The following GFRA1 variants were observed in gnomAD, a reference collection of about 807,000 sequenced individuals.
GFRA1 encodes the protein GDNF family receptor alpha-1.
A neutral mutation model predicts 51.6 loss-of-function variants in GFRA1; 16 were observed. That is an observed-to-expected ratio of 0.31 (90% CI 0.21 to 0.47). The LOEUF is 0.47. GFRA1 is among the 20% of genes least tolerant of loss of function. The probability of loss-of-function intolerance (pLI) is 1.00; values close to 1 mark genes in which losing one functional copy is unlikely to be tolerated. For synonymous variants in GFRA1, 270 were observed against 241.3 expected (o/e 1.12, Z -1.10); for missense variants, 530 against 594.3 (o/e 0.89, Z 1.13).
In GFRA1 at chr10:116,125,401, C is replaced by T. The variant is rs745808198; in HGVS notation, c.590G>A (p.Arg197Gln). The change falls in exon 6 of 11, where the codon CGG becomes CAG. Residue 197 changes from arginine (R) to glutamine (Q), a missense_variant. Transcript: ENST00000355422. ...CNRRKCHKAL[R>Q]QFFDKVPAKH... ...GGCCGGGACCTTGTCAAAGAACTGCCGGAGGGCCTTGTGGCACTTGCGGCG... is the reference window on the plus strand; with the variant it reads ...GGCCGGGACCTTGTCAAAGAACTGCTGGAGGGCCTTGTGGCACTTGCGGCG... The T allele has an allele frequency of 4.3e-6, 7 of 1,614,240 alleles. No individual in the cohort carries two copies. The highest frequency in any genetic ancestry group is 1.1e-5 in the South Asian group (1 of 91,088).
chr10:116,149,041 C>T (rs1025527465), intron 5 of GFRA1, among the ~76,000 whole-genome samples: 40 of 250 alleles, frequency 0.16, no homozygotes, highest in Admixed American at 0.38. Flanking sequence ...ATATGCCCCA[C>T]AAGCCTGTTG....
intron 4 of GFRA1, among the ~76,000 whole-genome samples, chr10:116,249,221 G>A (rs1968116314): frequency 6.6e-6 from 1 of 152,158 alleles, no homozygotes; most frequent in Non-Finnish European, 1.5e-5. Flanking sequence ...CCATGGGGGA[G>A]GGGCCAATCT....
chr10:116,272,438 C>G lies in GFRA1; in HGVS notation c.-246-163G>C, dbSNP rs558076936. ...GTGCATGTGCGTGTTTTCCAGGGGC[C>G]GCTGACACGGGGATGGAGGTGAGGG... is the stretch of plus-strand genomic sequence containing the variant. On this transcript the variant is annotated intron_variant, in intron 1 of 10. Coordinates refer to ENST00000355422, the MANE Select transcript of GFRA1 (RefSeq NM_005264.8). This position sits in a 1 kb window ranked among gnomAD's most constrained non-coding sequence, Gnocchi z 4.4. The G allele has an allele frequency of 3.3e-5, 10 of 306,064 alleles. No homozygotes were observed. The highest frequency in any genetic ancestry group is 5.7e-5 in the Non-Finnish European group (9 of 158,836). 19.0% of individuals were successfully genotyped at this position (306,064 alleles called of 1,614,324 possible). A position where few individuals can be genotyped will look rare whatever the true frequency, so the allele number is the denominator to read the frequency against.
intron 5 of GFRA1, among the ~76,000 whole-genome samples, chr10:116,197,475 T>C (rs1295646525): frequency 2.6e-5 from 4 of 152,208 alleles, no homozygotes; most frequent in African/African-American, 4.8e-5. Context: ...TATGTGTGTA[T>C]ATTGTTTATG....
intron 4 of GFRA1, among the ~76,000 whole-genome samples, chr10:116,249,522 T>G (rs1565679319): frequency 6.6e-6 from 1 of 152,172 alleles, no homozygotes. Flanking sequence ...CATCCAAGTC[T>G]GCTTGAGATG....
chr10:116,094,414 TA>T (rs887201467), intron 7 of GFRA1, among the ~76,000 whole-genome samples: 1 of 152,184 alleles, frequency 6.6e-6, no homozygotes, highest in African/African-American at 2.4e-5. Context: ...GGAAATTCTC[TA>T]AGTCAACGGC....
rs1966838952 is a variant in GFRA1 at position 116,233,983 on chromosome 10, T to A, written c.419-22338A>T. ...AGCTGCAAATCAATTCACTTTTGGA[T>A]ATGGTTCCTTTTTTCTCTTTCCTCA... On this transcript the variant is annotated intron_variant, in intron 4 of 10. Coordinates refer to ENST00000355422, the MANE Select transcript of GFRA1 (RefSeq NM_005264.8). Among the ~76,000 whole-genome samples, 4 of 152,156 alleles carry A rather than the reference T, an allele frequency of 2.6e-5. No homozygotes were observed. In the South Asian group the frequency reaches 8.3e-4, roughly 32 times the overall value.
intron 4 of GFRA1, among the ~76,000 whole-genome samples, chr10:116,247,761 CCCT>C (rs1357450299): frequency 6.6e-6 from 1 of 152,180 alleles, no homozygotes; most frequent in Non-Finnish European, 1.5e-5. Context: ...CTGCCCCCTA[CCCT>C]CCTCCTATTT....
At chr10:116,137,730 G>T (rs1305471914) in intron 5 of GFRA1, among the ~76,000 whole-genome samples, 1 of 152,206 alleles carries the variant, frequency 6.6e-6, no homozygotes, top group Non-Finnish European at 1.5e-5. Context: ...AGTAAATGGA[G>T]CTGCACTCAA....
chr10:116,096,359 C>T (rs1431368055), intron 7 of GFRA1, among the ~76,000 whole-genome samples: 2 of 152,156 alleles, frequency 1.3e-5, no homozygotes, highest in Admixed American at 1.3e-4. Flanking sequence ...TGCTTTTGTT[C>T]TGCGTGGTCA....
intron 4 of GFRA1, among the ~76,000 whole-genome samples, chr10:116,233,654 A>C (rs1354983948): frequency 2.6e-5 from 4 of 152,132 alleles, no homozygotes; most frequent in African/African-American, 7.2e-5. Flanking sequence ...CAGCTGTCCC[A>C]GCTCCCCGCA....
At chr10:116,262,612 T>C (rs559172960) in intron 4 of GFRA1, among the ~76,000 whole-genome samples, 4 of 152,234 alleles carry the variant, frequency 2.6e-5, no homozygotes, top group Non-Finnish European at 5.9e-5. Flanking sequence ...TATTTTGGGG[T>C]GGTAGGACGC....
At chr10:116,249,548 A>T (rs1398970460) in intron 4 of GFRA1, among the ~76,000 whole-genome samples, 1 of 152,148 alleles carries the variant, frequency 6.6e-6, no homozygotes. Flanking sequence ...TCTGTCCTTC[A>T]TGAAAGAAAG....
rs1378687535 is a variant in GFRA1 at position 116,195,900 on chromosome 10, T to C, written c.433+15731A>G. 3.3e-5 allele frequency among the ~76,000 whole-genome samples: 5 copies of C among 152,340 alleles called. No individual in the cohort carries two copies. The East Asian group carries it at 9.7e-4, about 29-fold the overall frequency. On this transcript the variant is annotated intron_variant, in intron 5 of 10. Coordinates refer to ENST00000355422, the MANE Select transcript of GFRA1 (RefSeq NM_005264.8). Reference sequence around the variant, plus strand: ...GGGTGGGTTACTAAACTTCTCTGAATGTATGTTTCATCAGCCAGAGATGAA... The same window carrying C: ...GGGTGGGTTACTAAACTTCTCTGAACGTATGTTTCATCAGCCAGAGATGAA...
chr10:116,198,685 T>C (rs761460765), intron 5 of GFRA1, among the ~76,000 whole-genome samples: 6 of 152,112 alleles, frequency 3.9e-5, no homozygotes, highest in Non-Finnish European at 1.5e-5. Flanking sequence ...CCTCAGGGTG[T>C]CCTCCCTGTC....
chr10:116,199,495 A>T (rs1244700243), intron 5 of GFRA1, among the ~76,000 whole-genome samples: 2 of 152,312 alleles, frequency 1.3e-5, no homozygotes, highest in East Asian at 1.9e-4. Flanking sequence ...ATGAACACTC[A>T]TACTCCTACC....
At chr10:116,137,334 TGTC>T (rs745563449) in intron 5 of GFRA1, among the ~76,000 whole-genome samples, 1 of 152,196 alleles carries the variant, frequency 6.6e-6, no homozygotes, top group Non-Finnish European at 1.5e-5. Context: ...TCATTGATGA[TGTC>T]GGCGGTTGTC....
intron 5 of GFRA1, among the ~76,000 whole-genome samples, chr10:116,129,536 A>G (rs191788775): frequency 5.6e-4 from 85 of 152,290 alleles, no homozygotes; most frequent in Non-Finnish European, 9.9e-4. Flanking sequence ...TCTGATACAG[A>G]GCAGCTATGA....
intron 4 of GFRA1, 152 bp downstream of exon 4, chr10:116,269,351 T>C (rs1969912388): frequency 1.4e-6 from 1 of 699,684 alleles, no homozygotes; most frequent in Non-Finnish European, 2.6e-6. Flanking sequence ...CTAGGCATTA[T>C]GCCTCTTCAT....
Sources: allele counts gnomAD v4.1 joint callset (sites outside exome capture counted in the v4.1 genomes callset), GRCh38; gene constraint gnomAD v4.1.1; non-coding constraint Gnocchi (gnomAD v3.1); transcripts MANE v1.5; gene names NCBI Gene and HGNC (gene_info 2026-07-23, HGNC 2026-07-21).